The following KLHL29 variants were observed in gnomAD, a reference collection of about 807,000 sequenced individuals.
The protein encoded by KLHL29 is kelch like family member 29.
In KLHL29, 21 loss-of-function variants were observed where a neutral mutation model predicts 80.4. That is an observed-to-expected ratio of 0.26 (90% CI 0.19 to 0.38). The LOEUF (loss-of-function observed/expected upper bound fraction) is 0.38. Among genes scored for constraint, KLHL29 ranks in the 10% least tolerant of loss-of-function variants. The pLI, the probability that KLHL29 is intolerant of heterozygous loss-of-function variation, is 1.00. For missense variants in KLHL29, 867 were observed against 1,223.9 expected (o/e 0.71, Z 4.35); for synonymous variants, 511 against 526.8 (o/e 0.97, Z 0.41).
chr2:23,517,009 C>T (rs1178412899), intron 2 of KLHL29, among the ~76,000 whole-genome samples: 1 of 152,188 alleles, frequency 6.6e-6, no homozygotes, highest in Non-Finnish European at 1.5e-5. Context: ...GGGTCCAGAA[C>T]CTTCCTGTCA....
chr2:23,420,590 T>G (rs1662771254), intron 1 of KLHL29, among the ~76,000 whole-genome samples: 1 of 152,206 alleles, frequency 6.6e-6, no homozygotes, highest in Non-Finnish European at 1.5e-5. Flanking sequence ...ATAGATCGTG[T>G]GTATTTTCTG....
At chr2:23,499,438 T>C (rs904734564) in intron 2 of KLHL29, among the ~76,000 whole-genome samples, 2 of 152,156 alleles carry the variant, frequency 1.3e-5, no homozygotes. Flanking sequence ...ACTACCTGAA[T>C]AGATACTTAT....
chr2:23,693,297 G>A lies in KLHL29; in HGVS notation c.1311G>A (p.Leu437=). ...AGCAGCTGACGGCCAGCAACTGCCT[G>A]GGCGTGCTGGCCATGGCCGAGGCCA... ...LEKQLTASNC[L]GVLAMAEAMQ... The change falls in exon 8 of 14, where the codon CTG becomes CTA. Residue 437 remains leucine, a synonymous_variant. Coordinates refer to ENST00000486442, the MANE Select transcript of KLHL29 (RefSeq NM_052920.2). 1 of 1,545,344 alleles carries A rather than the reference G, an allele frequency of 6.5e-7. No individual in the cohort carries two copies. The highest frequency in any genetic ancestry group is 8.8e-7 in the Non-Finnish European group (1 of 1,142,836).
chr2:23,402,942 CTT>C (rs1368819943), intron 1 of KLHL29, among the ~76,000 whole-genome samples: 1 of 149,520 alleles, frequency 6.7e-6, no homozygotes, highest in East Asian at 2.0e-4. Flanking sequence ...CATATATAAT[CTT>C]ATATGTGTAT....
intron 5 of KLHL29, among the ~76,000 whole-genome samples, chr2:23,670,902 TACACACATGCACGCG>T (rs1476661287): frequency 5.3e-5 from 5 of 93,932 alleles, no homozygotes; most frequent in East Asian, 7.9e-4. Flanking sequence ...GAGGGGTCTC[TACACACATGCACGCG>T]CTCTCTCTCT....
At chr2:23,530,283 C>T (rs900208999) in intron 2 of KLHL29, among the ~76,000 whole-genome samples, 6 of 152,218 alleles carry the variant, frequency 3.9e-5, no homozygotes, top group East Asian at 1.9e-4. Context: ...AAGCCCTTTC[C>T]ATGGGCCCTC....
intron 6 of KLHL29, among the ~76,000 whole-genome samples, chr2:23,688,299 T>C (rs1671369713): frequency 1.3e-5 from 2 of 152,182 alleles, no homozygotes; most frequent in Admixed American, 6.5e-5. Flanking sequence ...AGTCCTCTCT[T>C]CTGAGCAGAG....
At chr2:23,648,768 A>G (rs574815348) in intron 5 of KLHL29, among the ~76,000 whole-genome samples, 64 of 152,356 alleles carry the variant, frequency 4.2e-4, no homozygotes, top group African/African-American at 1.4e-3. Context: ...CCAAGGCTGC[A>G]GGCAGAGAGA....
chr2:23,505,405 G>C (rs1665569293), intron 2 of KLHL29, among the ~76,000 whole-genome samples: 1 of 152,238 alleles, frequency 6.6e-6, no homozygotes, highest in Non-Finnish European at 1.5e-5. Flanking sequence ...GGCCTCTCCA[G>C]CTCTCTGCAC....
At chr2:23,420,270 C>T (rs1662760806) in intron 1 of KLHL29, among the ~76,000 whole-genome samples, 1 of 152,202 alleles carries the variant, frequency 6.6e-6, no homozygotes, top group Non-Finnish European at 1.5e-5. Flanking sequence ...GGCCGTCCCT[C>T]GAAGCCCTGT....
At chr2:23,544,374 C>T (rs141616646) in intron 2 of KLHL29, among the ~76,000 whole-genome samples, 4 of 152,338 alleles carry the variant, frequency 2.6e-5, no homozygotes, top group Admixed American at 6.5e-5. Context: ...CGTGAATCCT[C>T]CTCTGCCACT....
rs78321796 is a variant in KLHL29, at chr2:23,579,919, G to A, written c.285+17438G>A. On this transcript the variant is annotated intron_variant, in intron 3 of 13. Transcript: ENST00000486442. Reference sequence around the variant, plus strand: ...ATGTGTGAGTGACCCCTGGTTCTGCGCCAGGCAGAACACAAATCAGAAGGA... The same window carrying A: ...ATGTGTGAGTGACCCCTGGTTCTGCACCAGGCAGAACACAAATCAGAAGGA... Among the ~76,000 whole-genome samples the A allele has an allele frequency of 4.6e-5, 7 of 152,302 alleles. No homozygotes were observed. The East Asian group carries it at 9.6e-4, about 21-fold the overall frequency.
intron 5 of KLHL29, among the ~76,000 whole-genome samples, chr2:23,660,467 T>C (rs1233070228): frequency 6.6e-6 from 1 of 152,168 alleles, no homozygotes; most frequent in Non-Finnish European, 1.5e-5. Context: ...AGCTTCCACA[T>C]GAGGAGCTGC....
intron 2 of KLHL29, among the ~76,000 whole-genome samples, chr2:23,515,240 C>T (rs890478303): frequency 1.3e-5 from 2 of 152,160 alleles, no homozygotes; most frequent in African/African-American, 4.8e-5. Context: ...CCCCCCATAT[C>T]CCCCTGCACC....
chr2:23,396,003 G>C (rs539354340), intron 1 of KLHL29, among the ~76,000 whole-genome samples: 5 of 152,244 alleles, frequency 3.3e-5, no homozygotes, highest in Non-Finnish European at 7.3e-5. Context: ...GGTAGGCGTA[G>C]AGAACTGCCT....
At chr2:23,656,640 C>G (rs76213761) in intron 5 of KLHL29, among the ~76,000 whole-genome samples, 1 of 152,154 alleles carries the variant, frequency 6.6e-6, no homozygotes, top group South Asian at 2.1e-4. Context: ...CACAGGTGTC[C>G]GGTCTGTCTG....
intron 2 of KLHL29, among the ~76,000 whole-genome samples, chr2:23,534,776 G>T (rs910868474): frequency 3.9e-5 from 6 of 152,184 alleles, no homozygotes; most frequent in African/African-American, 1.4e-4. Flanking sequence ...ACAGACTACT[G>T]TGGGTGACTA....
Position 23,482,046 on chromosome 2 carries a change from C to T in KLHL29, c.-46+6379C>T, listed in dbSNP as rs541332511. On this transcript the variant is annotated intron_variant, in intron 2 of 13. Coordinates refer to ENST00000486442, the MANE Select transcript of KLHL29 (RefSeq NM_052920.2). ...TGTGGAAGGCCATGCCCCCCTTTTC[C>T]ATCTTCCTTGTCCGCTGCCCTCAGT... is the stretch of plus-strand genomic sequence containing the variant. Among the ~76,000 whole-genome samples, 30 of 152,318 alleles carry T rather than the reference C, an allele frequency of 2.0e-4. 1 individual carries two copies. The highest frequency in any genetic ancestry group is 6.7e-4 in the African/African-American group (28 of 41,566).
chr2:23,678,786 T>C (rs976906864), intron 5 of KLHL29, among the ~76,000 whole-genome samples: 1 of 152,198 alleles, frequency 6.6e-6, no homozygotes, highest in Non-Finnish European at 1.5e-5. Context: ...TTAAGGACAT[T>C]ATGCTAGGTG....
Sources: gnomAD v4.1 joint callset for allele counts (sites outside exome capture counted in the v4.1 genomes callset) on GRCh38, gnomAD v4.1.1 for gene constraint, MANE v1.5 for transcripts, NCBI Gene and HGNC (gene_info 2026-07-23, HGNC 2026-07-21) for gene names.